TXNDC5: variants seen among roughly 807,000 people sequenced by gnomAD.
TXNDC5 encodes the protein thioredoxin domain-containing protein 5.
A neutral mutation model predicts 52.6 loss-of-function variants in TXNDC5; 44 were observed. The observed-to-expected ratio is 0.84, with a 90% CI of 0.66 to 1.08. TXNDC5 has a LOEUF of 1.08. Ranked by LOEUF, TXNDC5 falls within the 50% of genes least tolerant of loss-of-function variation. TXNDC5 has a pLI of 0.00. For missense variants in TXNDC5, 600 were observed against 565.5 expected (o/e 1.06, Z -0.62); for synonymous variants, 241 against 234.4 (o/e 1.03, Z -0.26).
At chr6:7,902,553 T>C (rs866423960) in intron 2 of TXNDC5, among the ~76,000 whole-genome samples, 1 of 152,084 alleles carries the variant, frequency 6.6e-6, no homozygotes, top group East Asian at 1.9e-4. Context: ...CTCTATGGGA[T>C]GGGCACTTGT....
chr6:7,888,940 A>G, intron 6 of TXNDC5, 92 bp from the exon 7 acceptor site: 1 of 1,483,956 alleles, frequency 6.7e-7, no homozygotes. Context: ...CCCGGGTCAG[A>G]GCTCCCAGAT....
chr6:7,891,217 G>T (rs1255449304), intron 5 of TXNDC5, among the ~76,000 whole-genome samples: 1 of 152,154 alleles, frequency 6.6e-6, no homozygotes, highest in East Asian at 1.9e-4. Context: ...CTGAGGGAGG[G>T]TCTTCTGCGT....
chr6:7,909,696 G>C (rs1760849041), intron 1 of TXNDC5: 1 of 862,346 alleles, frequency 1.2e-6, no homozygotes, highest in South Asian at 5.3e-5. Context: ...CTGCAGGGGG[G>C]CGGAGGGGTT....
intron 3 of TXNDC5, 24 bp downstream of exon 3, chr6:7,899,532 AGAGGGAGGGAGGGAGGGAGG>A: frequency 8.5e-7 from 1 of 1,176,406 alleles, no homozygotes; most frequent in South Asian, 1.3e-5. Context: ...AGGCAGGGAG[AGAGGGAGGGAGGGAGGGAGG>A]GAGGGAAGGA....
In TXNDC5 at chr6:7,882,961, ACTT is replaced by A; in HGVS notation, c.*180_*182del. ...TTACACATTTACTTAGAGAAACTTAACTTAATAAAGAATCTGTAGAGTGTGTTG... is the reference window on the plus strand; with the variant it reads ...TTACACATTTACTTAGAGAAACTTAAAATAAAGAATCTGTAGAGTGTGTTG... On this transcript the variant is annotated 3_prime_UTR_variant, in exon 10 of 10. Transcript: ENST00000379757. The A allele has an allele frequency of 4.2e-6, 3 of 720,620 alleles. No homozygotes were observed. Among genetic ancestry groups the A allele is most frequent in the South Asian group, 4.7e-5 (2 of 42,870 alleles). The allele number at this position is 720,620 out of a possible 1,614,324, so 44.6% of individuals were successfully genotyped here. A position where few individuals can be genotyped will look rare whatever the true frequency, so the allele number is the denominator to read the frequency against.
chr6:7,910,110 C>G (rs937807426), intron 1 of TXNDC5: 132 of 986,330 alleles, frequency 1.3e-4, no homozygotes, highest in Non-Finnish European at 1.5e-4. Context: ...CTTTTCCCGG[C>G]TGTCCCCTAG....
chr6:7,891,800 T>G (rs1760200630), intron 4 of TXNDC5, 64 bp from the exon 5 acceptor site: 12 of 1,160,376 alleles, frequency 1.0e-5, no homozygotes, highest in Non-Finnish European at 1.4e-5. Context: ...CAGACCTCAC[T>G]AGAGAGTTAA....
At chr6:7,885,203 A>G (rs1759922984) in intron 8 of TXNDC5, among the ~76,000 whole-genome samples, 1 of 152,240 alleles carries the variant, frequency 6.6e-6, no homozygotes, top group African/African-American at 2.4e-5. Context: ...GAACATGTGG[A>G]GTGTAACAAA....
At chr6:7,884,226 A>C in intron 9 of TXNDC5, 133 bp downstream of exon 9, 1 of 1,243,152 alleles carries the variant, frequency 8.0e-7, no homozygotes, top group Non-Finnish European at 1.1e-6. Flanking sequence ...CTCCAAACAA[A>C]CAACTCAAAG....
intron 7 of TXNDC5, among the ~76,000 whole-genome samples, chr6:7,886,373 C>T (rs1166715890): frequency 3.3e-5 from 5 of 152,056 alleles, no homozygotes; most frequent in Non-Finnish European, 5.9e-5. Flanking sequence ...CTCTCCAGGG[C>T]GCTGTGGTGT....
At chr6:7,904,553 G>T in intron 2 of TXNDC5, 21 bp downstream of exon 2, 1 of 1,612,602 alleles carries the variant, frequency 6.2e-7, no homozygotes, top group Non-Finnish European at 8.5e-7. Flanking sequence ...TAGGAAGTGT[G>T]CCCCCTTCCT....
intron 2 of TXNDC5, 87 bp from the exon 3 acceptor site, chr6:7,899,768 G>A: frequency 9.6e-7 from 1 of 1,037,606 alleles, no homozygotes; most frequent in Non-Finnish European, 1.4e-6. Flanking sequence ...ATCAGAAAAT[G>A]AGCTGTCAAG....
chr6:7,895,022 C>T (rs760210030), intron 4 of TXNDC5, 84 bp downstream of exon 4: 79 of 1,512,306 alleles, frequency 5.2e-5, no homozygotes, highest in Non-Finnish European at 6.2e-5. Flanking sequence ...TATCTAAGAG[C>T]CCTTGAGTAG....
intron 5 of TXNDC5, among the ~76,000 whole-genome samples, chr6:7,890,134 C>G (rs1760140290): frequency 6.6e-6 from 1 of 152,164 alleles, no homozygotes; most frequent in Non-Finnish European, 1.5e-5. Flanking sequence ...ACTTAATTTA[C>G]CAACAAGCAC....
chr6:7,904,841 G>A, intron 1 of TXNDC5, 118 bp from the exon 2 acceptor site: 2 of 1,202,010 alleles, frequency 1.7e-6, no homozygotes, highest in South Asian at 2.8e-5. Flanking sequence ...CACCATTGCA[G>A]ATGGCAGCTC....
intron 9 of TXNDC5, 81 bp downstream of exon 9, chr6:7,884,278 A>G (rs1759876265): frequency 7.7e-6 from 12 of 1,565,428 alleles, no homozygotes; most frequent in South Asian, 4.5e-5. Flanking sequence ...GAGCAGAGTG[A>G]GTTATCGTGG....
At chr6:7,907,830 T>C (rs1276637993) in intron 1 of TXNDC5, among the ~76,000 whole-genome samples, 2 of 152,160 alleles carry the variant, frequency 1.3e-5, no homozygotes, top group Non-Finnish European at 2.9e-5. Context: ...TGACCTCCCA[T>C]TTGACTCGCC....
intron 9 of TXNDC5, 44 bp downstream of exon 9, chr6:7,884,315 C>T: frequency 6.2e-7 from 1 of 1,611,334 alleles, no homozygotes; most frequent in African/African-American, 1.3e-5. Context: ...TTGGGATCTG[C>T]CCCCATACTG....
intron 8 of TXNDC5, among the ~76,000 whole-genome samples, chr6:7,885,214 C>T (rs915419402): frequency 1.3e-4 from 20 of 152,210 alleles, no homozygotes; most frequent in African/African-American, 4.6e-4. Context: ...GTGTAACAAA[C>T]AAGAAAAGTG....
Sources: gnomAD v4.1 joint callset for allele counts (sites outside exome capture counted in the v4.1 genomes callset) on GRCh38, gnomAD v4.1.1 for gene constraint, MANE v1.5 for transcripts, NCBI Gene and HGNC (gene_info 2026-07-23, HGNC 2026-07-21) for gene names.